SNTG1: variants seen among roughly 807,000 people sequenced by gnomAD.
SNTG1 encodes the protein syntrophin gamma 1, also known as gamma-1-syntrophin.
In SNTG1, 39 loss-of-function variants were observed where a neutral mutation model predicts 74.7. The observed-to-expected ratio is 0.52, with a 90% CI of 0.40 to 0.68. The LOEUF is 0.68. Among genes scored for constraint, SNTG1 ranks in the 30% least tolerant of loss-of-function variants. The pLI is 0.00. For missense variants in SNTG1, 685 were observed against 609.5 expected, an observed-to-expected ratio of 1.12 and a Z score of -1.30; for synonymous variants, 254 against 217.1, an observed-to-expected ratio of 1.17 and a Z score of -1.49.
chr8:50,482,421 G>A (rs1399597762), intron 8 of SNTG1, among the ~76,000 whole-genome samples: 2 of 152,152 alleles, frequency 1.3e-5, no homozygotes, highest in Non-Finnish European at 2.9e-5. Flanking sequence ...CAAAGGAAAT[G>A]TTTGTGAGAA....
At chr8:50,336,439 GT>G (rs2091145615) in intron 2 of SNTG1, among the ~76,000 whole-genome samples, 1 of 152,262 alleles carries the variant, frequency 6.6e-6, no homozygotes, top group South Asian at 2.1e-4. Flanking sequence ...AGTGCCAATT[GT>G]TTTGAGGCAC....
At chr8:50,003,077 G>T (rs1289843499) in intron 1 of SNTG1, among the ~76,000 whole-genome samples, 1 of 152,144 alleles carries the variant, frequency 6.6e-6, no homozygotes, top group African/African-American at 2.4e-5. Flanking sequence ...GTAGATTAGT[G>T]GTTGTGAGGA....
chr8:50,163,002 C>A (rs866326725), intron 1 of SNTG1, among the ~76,000 whole-genome samples: 2 of 152,184 alleles, frequency 1.3e-5, no homozygotes, highest in South Asian at 2.1e-4. Context: ...CATCTGGTGC[C>A]ATGTGGCTGC....
chr8:50,347,250 T>C (rs2091507603), intron 2 of SNTG1, among the ~76,000 whole-genome samples: 1 of 152,192 alleles, frequency 6.6e-6, no homozygotes. Context: ...ATCCTAGGGC[T>C]CTTAAGAATC....
chr8:50,556,753 C>T (rs1034965746), intron 12 of SNTG1, among the ~76,000 whole-genome samples: 4 of 152,192 alleles, frequency 2.6e-5, no homozygotes, highest in African/African-American at 7.2e-5. Context: ...GTGATGTTCA[C>T]TTCCTGGCAT....
At chr8:50,616,063 C>T (rs940042148) in intron 13 of SNTG1, among the ~76,000 whole-genome samples, 14 of 152,198 alleles carry the variant, frequency 9.2e-5, no homozygotes, top group Non-Finnish European at 1.2e-4. Context: ...CTCTTACAAC[C>T]TTTATGTGGT....
In SNTG1 at chr8:50,699,752, C is replaced by T. The variant is rs896077758; in HGVS notation, c.1039-4848C>T. The stretch of plus-strand genomic sequence containing the variant: ...TACTGGGGCATAAGTCAAACTATGA[C>T]AAAAGAGAAATGCATGCAGAGAGCA... On this transcript the variant is annotated intron_variant, in intron 15 of 18. Transcript: ENST00000642720. Among the ~76,000 whole-genome samples, 16 of 152,028 alleles carry T rather than the reference C, an allele frequency of 1.1e-4. No individual in the cohort carries two copies. The East Asian group carries it at 3.1e-3, about 29-fold the overall frequency.
chr8:50,781,235 C>A (rs1396665939), intron 18 of SNTG1, among the ~76,000 whole-genome samples: 1 of 152,126 alleles, frequency 6.6e-6, no homozygotes, highest in South Asian at 2.1e-4. Context: ...TGGTGCAGAG[C>A]TGAGTTCAAT....
intron 2 of SNTG1, among the ~76,000 whole-genome samples, chr8:50,331,383 G>T (rs1391689702): frequency 1.3e-5 from 2 of 152,144 alleles, no homozygotes; most frequent in East Asian, 3.9e-4. Flanking sequence ...AGACCAAAAC[G>T]ATCTTTAATT....
At chr8:50,265,883 A>G (rs2130182467) in intron 2 of SNTG1, among the ~76,000 whole-genome samples, 1 of 152,224 alleles carries the variant, frequency 6.6e-6, no homozygotes, top group Non-Finnish European at 1.5e-5. Context: ...ATTTCATGAA[A>G]GTGGTATAAA....
intron 1 of SNTG1, among the ~76,000 whole-genome samples, chr8:50,081,528 T>C (rs887856625): frequency 1.2e-4 from 18 of 152,234 alleles, no homozygotes; most frequent in African/African-American, 4.3e-4. Context: ...CTTTCTCCTC[T>C]TCTTCCTGTG....
chr8:50,323,782 T>G (rs2130829924), intron 2 of SNTG1, among the ~76,000 whole-genome samples: 1 of 152,272 alleles, frequency 6.6e-6, no homozygotes, highest in East Asian at 1.9e-4. Context: ...GCCCTTATCT[T>G]CAGGGTGGCA....
intron 1 of SNTG1, among the ~76,000 whole-genome samples, chr8:50,129,015 G>C (rs2081232242): frequency 6.6e-6 from 1 of 151,960 alleles, no homozygotes; most frequent in South Asian, 2.1e-4. Flanking sequence ...CCAGTAGCGA[G>C]AGTCAGAACA....
intron 12 of SNTG1, among the ~76,000 whole-genome samples, chr8:50,580,611 C>A (rs541699814): frequency 6.6e-6 from 1 of 152,072 alleles, no homozygotes; most frequent in Non-Finnish European, 1.5e-5. Context: ...ATAGTGAGTT[C>A]TCAGGAGATC....
intron 17 of SNTG1, among the ~76,000 whole-genome samples, chr8:50,747,323 T>C (rs1271368719): frequency 6.6e-6 from 1 of 151,992 alleles, no homozygotes; most frequent in Non-Finnish European, 1.5e-5. Context: ...ACTGAACTAG[T>C]AGAATTGTTC....
intron 2 of SNTG1, among the ~76,000 whole-genome samples, chr8:50,211,485 C>T (rs926625133): frequency 2.0e-5 from 3 of 151,954 alleles, no homozygotes; most frequent in Non-Finnish European, 4.4e-5. Flanking sequence ...TTTCTTAATC[C>T]TGAGAGCAAC....
intron 2 of SNTG1, among the ~76,000 whole-genome samples, chr8:50,278,070 G>A (rs1368604092): frequency 6.6e-6 from 1 of 152,090 alleles, no homozygotes; most frequent in East Asian, 1.9e-4. Context: ...CTGCTAAGGA[G>A]GCTGAGGTGG....
intron 18 of SNTG1, among the ~76,000 whole-genome samples, chr8:50,761,895 G>A (rs1027418547): frequency 2.0e-5 from 3 of 151,974 alleles, no homozygotes; most frequent in African/African-American, 2.4e-5. Context: ...AATGTAAGAA[G>A]TGTTAAATAA....
In SNTG1 at chr8:50,183,610, G is replaced by T. The variant is rs185416240; in HGVS notation, c.-28+10975G>T. Among the ~76,000 whole-genome samples the T allele has an allele frequency of 5.1e-4, 78 of 152,074 alleles. 1 individual carries two copies. The East Asian group carries it at 0.013, about 25-fold the overall frequency. The stretch of plus-strand genomic sequence containing the variant: ...ATTTACATACCTTCCCAGCGTTTTT[G>T]CCTTTCTCTCCTTCCCACAGCACAT... On this transcript the variant is annotated intron_variant, in intron 2 of 18. Coordinates refer to ENST00000642720, the MANE Select transcript of SNTG1 (RefSeq NM_018967.5).
Sources: gnomAD v4.1 joint callset for allele counts (sites outside exome capture counted in the v4.1 genomes callset) on GRCh38, gnomAD v4.1.1 for gene constraint, MANE v1.5 for transcripts, NCBI Gene and HGNC (gene_info 2026-07-23, HGNC 2026-07-21) for gene names.